The following POC1B variants were observed in gnomAD, a reference collection of about 807,000 sequenced individuals.
POC1B encodes the protein POC1 centriolar protein homolog B.
In POC1B, 44 loss-of-function variants were observed where a neutral mutation model predicts 60.6. The observed-to-expected ratio is 0.73, with a 90% CI of 0.57 to 0.93. POC1B has a LOEUF of 0.93. Ranked by LOEUF, POC1B falls within the 40% of genes least tolerant of loss-of-function variation. The pLI is 0.00. For synonymous variants in POC1B, 180 were observed against 198.9 expected, an observed-to-expected ratio of 0.90 and a Z score of 0.80; for missense variants, 555 against 572.3, an observed-to-expected ratio of 0.97 and a Z score of 0.31.
intron 10 of POC1B, chr12:89,429,028 A>G (rs920146044): frequency 5.3e-5 from 8 of 152,188 alleles, no homozygotes; most frequent in African/African-American, 1.9e-4. Context: ...AAAGGCCCCA[A>G]TCATTCATTG....
chr12:89,525,340 C>A, intron 1 of POC1B, 136 bp from the exon 2 acceptor site: 1 of 1,437,026 alleles, frequency 7.0e-7, no homozygotes, highest in Non-Finnish European at 9.1e-7. Context: ...GCGGCGGGGC[C>A]GGGCAGCAGC....
At chr12:89,480,241 A>G (rs1434258919) in intron 4 of POC1B, among the ~76,000 whole-genome samples, 1 of 151,712 alleles carries the variant, frequency 6.6e-6, no homozygotes, top group East Asian at 1.9e-4. Flanking sequence ...GGCTCAGGTG[A>G]TCCTCCCACC....
chr12:89,440,387 A>G (rs1362092210), intron 10 of POC1B, among the ~76,000 whole-genome samples: 1 of 152,264 alleles, frequency 6.6e-6, no homozygotes, highest in Non-Finnish European at 1.5e-5. Context: ...TGCCAGGTAC[A>G]TAAAAGTCTG....
At chr12:89,424,823 CAGTGAGAACATTTTCAA>C (rs1452741191) in intron 11 of POC1B, among the ~76,000 whole-genome samples, 4 of 152,146 alleles carry the variant, frequency 2.6e-5, no homozygotes, top group Non-Finnish European at 5.9e-5. Flanking sequence ...AAATACTGGA[CAGTGAGAACATTTTCAA>C]AGTAAAAAAC....
intron 11 of POC1B, among the ~76,000 whole-genome samples, chr12:89,423,773 G>C (rs1338756443): frequency 6.6e-6 from 1 of 152,118 alleles, no homozygotes; most frequent in Non-Finnish European, 1.5e-5. Context: ...AAAAATCATA[G>C]AGAAATTCAG....
rs539472118 is a variant in POC1B at position 89,483,814 on chromosome 12, T to G, written c.452+8122A>C. ...GACCTTCACTACAAGAAATGGTAAGTGCAGTGTTTTAGGCAGAAAAGAAAT... is the reference window on the plus strand; with the variant it reads ...GACCTTCACTACAAGAAATGGTAAGGGCAGTGTTTTAGGCAGAAAAGAAAT... On this transcript the variant is annotated intron_variant, in intron 4 of 11. Transcript: ENST00000313546. Among the ~76,000 whole-genome samples, 4 of 152,252 alleles carry G rather than the reference T, an allele frequency of 2.6e-5. No homozygotes were observed. The South Asian group carries it at 8.3e-4, about 32-fold the overall frequency.
intron 4 of POC1B, among the ~76,000 whole-genome samples, chr12:89,480,629 T>C (rs1382515351): frequency 7.5e-6 from 1 of 132,884 alleles, no homozygotes; most frequent in East Asian, 2.2e-4. Context: ...TGAGACGGAG[T>C]CTCACTGTCG....
intron 4 of POC1B, among the ~76,000 whole-genome samples, chr12:89,485,521 A>G (rs10128832): frequency 0.73 from 110,832 of 152,012 alleles, 40,544 homozygotes; most frequent in Middle Eastern, 0.82. Context: ...CACATTAATC[A>G]TTCACTCCAA....
chr12:89,477,724 T>G (rs530415963), intron 4 of POC1B, among the ~76,000 whole-genome samples: 1 of 152,278 alleles, frequency 6.6e-6, no homozygotes, highest in East Asian at 1.9e-4. Flanking sequence ...AAGTGATCTT[T>G]AAATCTTAAA....
rs747377290 is a variant in POC1B at position 89,523,773 on chromosome 12, A to G, written c.100+1347T>C. The G allele has an allele frequency of 3.4e-5, 52 of 1,538,306 alleles. No individual in the cohort carries two copies. In the Admixed American group the frequency reaches 1.1e-3, roughly 32 times the overall value. On this transcript the variant is annotated intron_variant, in intron 2 of 11. Coordinates refer to ENST00000313546, the MANE Select transcript of POC1B (RefSeq NM_172240.3). ...TATAGAATTCAAAAGTATTCCAATC[A>G]ATTGTGTCTATAACAGGACACACAA...
At chr12:89,426,001 A>G (rs1880748773) in intron 10 of POC1B, 1 of 152,294 alleles carries the variant, frequency 6.6e-6, no homozygotes. Context: ...AAACAACGAT[A>G]GATGAACGTA....
chr12:89,485,550 T>C (rs1868587166), intron 4 of POC1B, among the ~76,000 whole-genome samples: 1 of 152,058 alleles, frequency 6.6e-6, no homozygotes, highest in Non-Finnish European at 1.5e-5. Context: ...AAAACTGATT[T>C]TTTAAAAAAA....
chr12:89,403,097 T>A, the POC1B span, among the ~76,000 whole-genome samples: 14 of 151,580 alleles, frequency 9.2e-5, no homozygotes, highest in East Asian at 1.9e-3. Flanking sequence ...AACCTCCACC[T>A]CCCAGGTTCA....
chr12:89,524,097 C>A (rs1236969169), intron 2 of POC1B: 1 of 1,613,974 alleles, frequency 6.2e-7, no homozygotes, highest in Non-Finnish European at 8.5e-7. Context: ...TGGTACGGAG[C>A]AAAGTCGACC....
intron 2 of POC1B, chr12:89,523,034 C>A: frequency 6.2e-7 from 1 of 1,613,408 alleles, no homozygotes; most frequent in Non-Finnish European, 8.5e-7. Flanking sequence ...TGCTCAGGTA[C>A]CTCTGCACAT....
At chr12:89,449,197 T>C (rs1881930115) in intron 10 of POC1B, among the ~76,000 whole-genome samples, 1 of 152,184 alleles carries the variant, frequency 6.6e-6, no homozygotes, top group South Asian at 2.1e-4. Flanking sequence ...GAGCCTTGCT[T>C]GCCCCCATCA....
Position 89,425,303 on chromosome 12 carries a change from A to G in POC1B, c.1190T>C (p.Met397Thr). 1.2e-6 allele frequency: 2 copies of G among 1,614,168 alleles called. No homozygotes were observed. Among genetic ancestry groups the G allele is most frequent in the Non-Finnish European group, 1.7e-6 (2 of 1,180,022 alleles). ...ACGYFLNPSL[M>T]SPECLPTTTK... is the part of the protein sequence containing the mutation. ...GGTTGTTGGCAAACATTCTGGTGACATTAAGGAAGGGTTCAAGAAATATCC... is the reference window on the plus strand; with the variant it reads ...GGTTGTTGGCAAACATTCTGGTGACGTTAAGGAAGGGTTCAAGAAATATCC... Residue 397 changes from methionine (M) to threonine (T), a missense_variant, in exon 11 of 12, where the codon ATG (methionine) becomes ACG (threonine). Met to Thr is a moderately conservative substitution (Grantham distance 81). Coordinates refer to ENST00000313546, the MANE Select transcript of POC1B (RefSeq NM_172240.3).
intron 3 of POC1B, 183 bp downstream of exon 3, chr12:89,496,988 A>C (rs1041147979): frequency 3.1e-5 from 20 of 644,496 alleles, no homozygotes; most frequent in Middle Eastern, 4.5e-4. Flanking sequence ...AGTTTTCAAA[A>C]AGAAGACATA....
the POC1B span, among the ~76,000 whole-genome samples, chr12:89,405,698 GTAATCCTGCACTA>G: frequency 6.6e-6 from 1 of 152,118 alleles, no homozygotes; most frequent in African/African-American, 2.4e-5. Flanking sequence ...GCTCACACCT[GTAATCCTGCACTA>G]TGGGAGGTCG....
Sources: gnomAD v4.1 joint callset for allele counts (sites outside exome capture counted in the v4.1 genomes callset) on GRCh38, gnomAD v4.1.1 for gene constraint, MANE v1.5 for transcripts, NCBI Gene and HGNC (gene_info 2026-07-23, HGNC 2026-07-21) for gene names.